PRSS37: variants seen among roughly 807,000 people sequenced by gnomAD.
PRSS37 encodes probable inactive serine protease 37.
In PRSS37, 25 loss-of-function variants were observed where a neutral mutation model predicts 28.0. The ratio of observed to expected loss-of-function variants is 0.89; its 90% CI spans 0.65 to 1.25. The LOEUF is 1.25. Among genes scored for constraint, PRSS37 ranks in the 50% most tolerant of loss-of-function variants. The pLI is 0.00. For missense variants in PRSS37, 282 were observed against 292.2 expected (o/e 0.97, Z 0.25); for synonymous variants, 109 against 107.8 (o/e 1.01, Z -0.07).
chr7:141,839,240 G>T, intron 2 of PRSS37, 98 bp downstream of exon 2: 1 of 1,259,792 alleles, frequency 7.9e-7, no homozygotes, highest in Non-Finnish European at 1.1e-6. Context: ...TTCAGACATT[G>T]CCAAGTGTAC....
chr7:141,836,575 A>AGAG, intron 4 of PRSS37, 40 bp from the exon 5 acceptor site: 2 of 1,523,548 alleles, frequency 1.3e-6, no homozygotes, highest in Non-Finnish European at 1.8e-6. Flanking sequence ...GAGAGAGAGT[A>AGAG]AGAGTGTCAG....
intron 3 of PRSS37, 132 bp downstream of exon 3, chr7:141,837,728 C>A: frequency 6.5e-7 from 1 of 1,545,834 alleles, no homozygotes; most frequent in Non-Finnish European, 8.8e-7. Context: ...GTTTGCCAGA[C>A]CACTCAGGTA....
At position 141,837,219 on chromosome 7, in the gene PRSS37, C is replaced by T. The variant is rs766010613; in HGVS notation, c.460G>A (p.Glu154Lys). ...TCTCGATCAGACATCACGGGGGCCT[C>T]CAGGTTCTGCCGCAAGTCAGGGTGT... ...GRHPDLRQNL[E>K]APVMSDRECQ... Residue 154 changes from glutamate to lysine, a missense_variant, in exon 4 of 5, where the codon GAG becomes AAG. Transcript: ENST00000350549. 7.5e-6 allele frequency: 12 copies of T among 1,608,420 alleles called. No individual in the cohort carries two copies. Among genetic ancestry groups the T allele is most frequent in the Non-Finnish European group, 1.0e-5 (12 of 1,177,998 alleles).
chr7:141,839,542 C>G lies in PRSS37; in HGVS notation c.35-63G>C, dbSNP rs1230529235. The G allele has an allele frequency of 1.1e-5, 15 of 1,314,058 alleles. No homozygotes were observed. The South Asian group carries it at 1.2e-4, about 11-fold the overall frequency. 81.4% of individuals were successfully genotyped at this position (1,314,058 alleles called of 1,614,324 possible). Reference sequence around the variant, plus strand: ...ATAAAAATAAGGTAACAGTCTCTTACTTGAAAAGGAATCTGGATGATTCTT... The same window carrying G: ...ATAAAAATAAGGTAACAGTCTCTTAGTTGAAAAGGAATCTGGATGATTCTT... On this transcript the variant is annotated intron_variant, in intron 1 of 4. Coordinates refer to ENST00000350549, the MANE Select transcript of PRSS37 (RefSeq NM_001008270.3).
rs748478149 is a variant in PRSS37 at position 141,836,574 on chromosome 7, T to A, written c.568-39A>T. ...TGCAGAGAGAGAGAGAGAGAGAGAGTAAGAGTGTCAGATCTTCTCACAGGA... is the reference window on the plus strand; with the variant it reads ...TGCAGAGAGAGAGAGAGAGAGAGAGAAAGAGTGTCAGATCTTCTCACAGGA... On this transcript the variant is annotated intron_variant, in intron 4 of 4. Transcript: ENST00000350549. The A allele has an allele frequency of 5.7e-5, 84 of 1,480,934 alleles. No individual in the cohort carries two copies. The East Asian group carries it at 1.3e-3, about 23-fold the overall frequency. 91.7% of individuals were successfully genotyped at this position (1,480,934 alleles called of 1,614,324 possible).
Position 141,841,193 on chromosome 7 carries a change from C to T in PRSS37, c.-144G>A. On this transcript the variant is annotated 5_prime_UTR_variant, in exon 1 of 5. Coordinates refer to ENST00000350549, the MANE Select transcript of PRSS37 (RefSeq NM_001008270.3). The stretch of plus-strand genomic sequence containing the variant: ...GGCACTCCATGGGATTGGAAAGCAG[C>T]TCTGGGCATAAACAGGGGAGGGAGA... 1.3e-6 allele frequency: 2 copies of T among 1,496,172 alleles called. No individual in the cohort carries two copies. The highest frequency in any genetic ancestry group is 8.9e-7 in the Non-Finnish European group (1 of 1,118,372). The allele number at this position is 1,496,172 out of a possible 1,614,324, so 92.7% of individuals were successfully genotyped here.
chr7:141,840,012 C>A (rs1003455030), intron 1 of PRSS37, among the ~76,000 whole-genome samples: 2 of 151,728 alleles, frequency 1.3e-5, no homozygotes, highest in Admixed American at 1.3e-4. Context: ...TATTAAACAG[C>A]AAAAGAATAT....
Position 141,841,427 on chromosome 7 carries a change from C to T in PRSS37, c.-378G>A, listed in dbSNP as rs961893213. The T allele has an allele frequency of 2.7e-5, 7 of 256,628 alleles. No individual in the cohort carries two copies. 15.9% of individuals were successfully genotyped at this position (256,628 alleles called of 1,614,324 possible). A position where few individuals can be genotyped will look rare whatever the true frequency, so the allele number is the denominator to read the frequency against. ...ATCTTCCCCACAGAGTTTCTGAGAC[C>T]AGGGCTATGAGGGACAATATTCTTT... On this transcript the variant is annotated 5_prime_UTR_variant, in exon 1 of 5. Coordinates refer to ENST00000350549, the MANE Select transcript of PRSS37 (RefSeq NM_001008270.3).
In PRSS37 at chr7:141,837,211, G is replaced by C. The variant is rs373813278; in HGVS notation, c.468C>G (p.Pro156=). The change falls in exon 4 of 5, where the codon CCC becomes CCG. Residue 156 remains proline (P), a synonymous_variant. Transcript: ENST00000350549. ...TTTGGCATTCTCGATCAGACATCAC[G>C]GGGGCCTCCAGGTTCTGCCGCAAGT... ...HPDLRQNLEA[P]VMSDRECQKT... is the part of the protein sequence containing the mutation. 1.2e-6 allele frequency: 2 copies of C among 1,611,278 alleles called. No individual in the cohort carries two copies. The highest frequency in any genetic ancestry group is 1.7e-5 in the Admixed American group (1 of 59,452).
rs1801142149 is a variant in PRSS37, at chr7:141,841,254, A to G, written c.-205T>C. The G allele has an allele frequency of 1.2e-5, 14 of 1,199,122 alleles. No homozygotes were observed. The highest frequency in any genetic ancestry group is 1.4e-5 in the Non-Finnish European group (13 of 896,790). 74.3% of individuals were successfully genotyped at this position (1,199,122 alleles called of 1,614,324 possible). A position where few individuals can be genotyped will look rare whatever the true frequency, so the allele number is the denominator to read the frequency against. Reference sequence around the variant, plus strand: ...GAGACAGATGAAAGCCCTCTGTTCCAGGGAAGGTGGAGGACTGTGCCTCTG... The same window carrying G: ...GAGACAGATGAAAGCCCTCTGTTCCGGGGAAGGTGGAGGACTGTGCCTCTG... On this transcript the variant is annotated 5_prime_UTR_variant, in exon 1 of 5. Coordinates refer to ENST00000350549, the MANE Select transcript of PRSS37 (RefSeq NM_001008270.3).
intron 3 of PRSS37, 194 bp downstream of exon 3, chr7:141,837,666 G>A: frequency 6.5e-7 from 1 of 1,528,412 alleles, no homozygotes; most frequent in Non-Finnish European, 8.8e-7. Flanking sequence ...GAGGCAGTGG[G>A]ATATTAGACA....
At position 141,839,486 on chromosome 7, in the gene PRSS37, A is replaced by G. The variant is rs1015290170; in HGVS notation, c.35-7T>C. On this transcript the variant is annotated splice_polypyrimidine_tract_variant and splice_region_variant and intron_variant, in intron 1 of 4. Transcript: ENST00000350549. ...TCAGCAAAGAAAAATGTCCCTGAGA[A>G]AATAATGAACATTCTTAATACATAA... 1.9e-6 allele frequency: 3 copies of G among 1,605,822 alleles called. No individual in the cohort carries two copies. The highest frequency in any genetic ancestry group is 1.7e-4 in the Middle Eastern group (1 of 5,852).
At position 141,839,461 on chromosome 7, in the gene PRSS37, T is replaced by A; in HGVS notation, c.53A>T (p.Asp18Val). The part of the protein sequence containing the change: ...GVLAGTFFFA[D>V]SSVQKEDPAP... ...AGGGTCTTCTTTCTGAACAGATGAG[T>A]CAGCAAAGAAAAATGTCCCTGAGAA... The change falls in exon 2 of 5, where the codon GAC becomes GTC. Residue 18 changes from aspartate (D) to valine (V), a missense_variant. By Grantham distance (152) the Asp-to-Val change is radical (BLOSUM62 -3). Coordinates refer to ENST00000350549, the MANE Select transcript of PRSS37 (RefSeq NM_001008270.3). 7 of 1,612,562 alleles carry A rather than the reference T, an allele frequency of 4.3e-6. No homozygotes were observed. The highest frequency in any genetic ancestry group is 5.9e-6 in the Non-Finnish European group (7 of 1,179,064).
intron 1 of PRSS37, among the ~76,000 whole-genome samples, chr7:141,840,610 G>C (rs1468546532): frequency 6.6e-6 from 1 of 152,238 alleles, no homozygotes; most frequent in Non-Finnish European, 1.5e-5. Flanking sequence ...CAGCTAATGT[G>C]TGATACAACC....
At chr7:141,838,868 G>A in intron 2 of PRSS37, 1 of 414,896 alleles carries the variant, frequency 2.4e-6, no homozygotes, top group Admixed American at 3.0e-5. Flanking sequence ...TGGTGGTATG[G>A]AACTATTCTT....
intron 4 of PRSS37, 94 bp from the exon 5 acceptor site, chr7:141,836,629 T>C: frequency 2.2e-6 from 3 of 1,376,334 alleles, no homozygotes; most frequent in Non-Finnish European, 3.0e-6. Context: ...GTGAGCCCTG[T>C]CTGCAGGCAT....
chr7:141,837,050 A>C lies in PRSS37; in HGVS notation c.567+62T>G, dbSNP rs1185575247. The C allele has an allele frequency of 1.6e-5, 25 of 1,523,796 alleles. No individual in the cohort carries two copies. In the East Asian group the frequency reaches 5.4e-4, roughly 33 times the overall value. The allele number at this position is 1,523,796 out of a possible 1,614,324, so 94.4% of individuals were successfully genotyped here. A position where few individuals can be genotyped will look rare whatever the true frequency, so the allele number is the denominator to read the frequency against. On this transcript the variant is annotated intron_variant, in intron 4 of 4. Transcript: ENST00000350549. ...GACATCTAAAATAGTTTTTACATCA[A>C]GAGTCAATAGTTAACCGGGCATATG...
rs80201978 is a variant in PRSS37, at chr7:141,836,720, G to T, written c.568-185C>A. 3.5e-3 allele frequency among the ~76,000 whole-genome samples: 533 copies of T among 152,272 alleles called. 8 individuals are homozygous for T. The highest frequency in any genetic ancestry group is 0.024 in the East Asian group (127 of 5,184). On this transcript the variant is annotated intron_variant, in intron 4 of 4. Coordinates refer to ENST00000350549, the MANE Select transcript of PRSS37 (RefSeq NM_001008270.3). ...TTCTCATTTTGCTGTAATTAGCTTTGTGTGACCTTGAAAAAGTCAGAGGAC... is the reference window on the plus strand; with the variant it reads ...TTCTCATTTTGCTGTAATTAGCTTTTTGTGACCTTGAAAAAGTCAGAGGAC...
At chr7:141,839,791 A>G (rs1801097603) in intron 1 of PRSS37, among the ~76,000 whole-genome samples, 1 of 152,170 alleles carries the variant, frequency 6.6e-6, no homozygotes, top group Non-Finnish European at 1.5e-5. Flanking sequence ...AGAATCATAA[A>G]TTGTTTATAA....
Sources: gnomAD v4.1 joint callset for allele counts (sites outside exome capture counted in the v4.1 genomes callset) on GRCh38, gnomAD v4.1.1 for gene constraint, MANE v1.5 for transcripts, NCBI Gene and HGNC (gene_info 2026-07-23, HGNC 2026-07-21) for gene names.